IPO11: variants seen among roughly 807,000 people sequenced by gnomAD.
The protein encoded by IPO11 is importin-11.
In IPO11, 66 loss-of-function variants were observed where a neutral mutation model predicts 143.2. The observed-to-expected ratio is 0.46, with a 90% CI of 0.38 to 0.57. The LOEUF (loss-of-function observed/expected upper bound fraction) is 0.57, where lower values mean the gene tolerates loss of function less well. Ranked by LOEUF, IPO11 falls within the 20% of genes least tolerant of loss-of-function variation. The pLI is 0.00. For synonymous variants in IPO11, 385 were observed against 377.8 expected (o/e 1.02, Z -0.22); for missense variants, 1,026 against 1,141.0 (o/e 0.90, Z 1.45).
At chr5:62,469,202 G>A (rs1485292632) in intron 6 of IPO11, among the ~76,000 whole-genome samples, 1 of 152,126 alleles carries the variant, frequency 6.6e-6, no homozygotes, top group Admixed American at 6.6e-5. Context: ...AGGTCTTGTG[G>A]TGAGAAAGCA....
At chr5:62,447,724 C>A (rs546071365) in intron 3 of IPO11, among the ~76,000 whole-genome samples, 10 of 151,920 alleles carry the variant, frequency 6.6e-5, no homozygotes, top group African/African-American at 1.9e-4. Flanking sequence ...TAGCTGGGAC[C>A]ACAGGTGCGT....
At chr5:62,472,756 T>G (rs746872280) in intron 7 of IPO11, among the ~76,000 whole-genome samples, 5 of 152,116 alleles carry the variant, frequency 3.3e-5, no homozygotes, top group Non-Finnish European at 7.4e-5. Flanking sequence ...CTCGAACTCC[T>G]GACCTCAGTT....
chr5:62,479,517 T>C (rs941135361), intron 9 of IPO11, among the ~76,000 whole-genome samples: 4 of 152,208 alleles, frequency 2.6e-5, no homozygotes, highest in African/African-American at 7.2e-5. Context: ...CGCCACACTG[T>C]CTTCCACAAT....
intron 1 of IPO11, among the ~76,000 whole-genome samples, chr5:62,423,838 A>G (rs987380400): frequency 2.0e-5 from 3 of 152,102 alleles, no homozygotes; most frequent in Non-Finnish European, 4.4e-5. Context: ...TATTTTGATT[A>G]TTGTAGAACT....
chr5:62,478,920 T>A (rs1251712482), intron 9 of IPO11, among the ~76,000 whole-genome samples: 1 of 152,186 alleles, frequency 6.6e-6, no homozygotes, highest in East Asian at 1.9e-4. Flanking sequence ...TGACACACAA[T>A]GTCTGGTTGT....
chr5:62,567,026 T>C (rs1743967979), intron 27 of IPO11, among the ~76,000 whole-genome samples: 1 of 152,118 alleles, frequency 6.6e-6, no homozygotes, highest in Non-Finnish European at 1.5e-5. Context: ...ATTTTATCCA[T>C]CCAGATGTTT....
chr5:62,604,911 A>G (rs1663970127), intron 29 of IPO11, among the ~76,000 whole-genome samples: 1 of 152,172 alleles, frequency 6.6e-6, no homozygotes. Context: ...TGTTTCACTT[A>G]TCTCTTAGAA....
At chr5:62,561,278 A>G in intron 27 of IPO11, 21 bp downstream of exon 27, 1 of 1,583,110 alleles carries the variant, frequency 6.3e-7, no homozygotes, top group Non-Finnish European at 8.6e-7. Flanking sequence ...GTTTTCTTAA[A>G]ATTTGTTTCT....
intron 29 of IPO11, among the ~76,000 whole-genome samples, chr5:62,622,643 A>G (rs1009848977): frequency 2.0e-5 from 3 of 152,128 alleles, no homozygotes; most frequent in African/African-American, 7.2e-5. Context: ...TGTCAAGTTT[A>G]CTCTCAGAGA....
chr5:62,493,364 C>T (rs761854525), intron 15 of IPO11, among the ~76,000 whole-genome samples: 1 of 151,940 alleles, frequency 6.6e-6, no homozygotes, highest in Non-Finnish European at 1.5e-5. Context: ...GGGGCATTGC[C>T]ACTGTTTTTG....
chr5:62,624,976 G>C, intron 29 of IPO11, among the ~76,000 whole-genome samples: 1 of 89,634 alleles, frequency 1.1e-5, no homozygotes, highest in East Asian at 4.0e-4. Flanking sequence ...CAGAGCGAGA[G>C]ACTCAAAAAA....
intron 12 of IPO11, among the ~76,000 whole-genome samples, chr5:62,487,113 C>G (rs1165863283): frequency 6.6e-6 from 1 of 151,918 alleles, no homozygotes; most frequent in Non-Finnish European, 1.5e-5. Context: ...TACCAGCATG[C>G]AATGTGAAAT....
At chr5:62,528,259 T>C (rs1309432431) in intron 21 of IPO11, among the ~76,000 whole-genome samples, 2 of 152,196 alleles carry the variant, frequency 1.3e-5, no homozygotes, top group Admixed American at 6.5e-5. Flanking sequence ...CTTTGTCAAA[T>C]GTTGCTGATT....
intron 27 of IPO11, among the ~76,000 whole-genome samples, chr5:62,589,183 T>C (rs1380106688): frequency 3.9e-5 from 6 of 152,058 alleles, no homozygotes; most frequent in Non-Finnish European, 2.9e-5. Flanking sequence ...TCCATTTCCC[T>C]CAGCCAAAAA....
chr5:62,481,035 C>T (rs1746184733), intron 9 of IPO11, among the ~76,000 whole-genome samples: 1 of 150,710 alleles, frequency 6.6e-6, no homozygotes, highest in Admixed American at 6.6e-5. Context: ...CCTGCCTCAG[C>T]CTCCTGAGTA....
intron 29 of IPO11, among the ~76,000 whole-genome samples, chr5:62,613,298 C>CTTT (rs372608086): frequency 0.3 from 20,966 of 68,800 alleles, 3,424 homozygotes; most frequent in Non-Finnish European, 0.38. Flanking sequence ...ACATGCTCTT[C>CTTT]TTTTTTTTTT....
At chr5:62,509,888 T>G (rs1425166452) in intron 19 of IPO11, among the ~76,000 whole-genome samples, 1 of 152,184 alleles carries the variant, frequency 6.6e-6, no homozygotes, top group Non-Finnish European at 1.5e-5. Context: ...GGATCCTGAT[T>G]TCAGTTCTTT....
chr5:62,425,569 C>T (rs763073182), intron 1 of IPO11, among the ~76,000 whole-genome samples: 48 of 152,112 alleles, frequency 3.2e-4, no homozygotes, highest in African/African-American at 1.1e-3. Flanking sequence ...CCACCCGCCC[C>T]GGCCTCCTAA....
At chr5:62,558,313 G>A (rs1219866198) in intron 26 of IPO11, among the ~76,000 whole-genome samples, 2 of 152,140 alleles carry the variant, frequency 1.3e-5, no homozygotes, top group Non-Finnish European at 2.9e-5. Flanking sequence ...TCAATAATAA[G>A]CTAGTTTAGA....
Sources: allele counts gnomAD v4.1 joint callset (sites outside exome capture counted in the v4.1 genomes callset), GRCh38; gene constraint gnomAD v4.1.1; transcripts MANE v1.5; gene names NCBI Gene and HGNC (gene_info 2026-07-23, HGNC 2026-07-21).